GRM8: variants seen among roughly 807,000 people sequenced by gnomAD.
The protein encoded by GRM8 is metabotropic glutamate receptor 8.
GRM8 carries 47 observed loss-of-function variants against 87.2 expected under a neutral mutation model. The observed-to-expected ratio is 0.54, with a 90% confidence interval of 0.43 to 0.69. The LOEUF (loss-of-function observed/expected upper bound fraction) is 0.69. Among genes scored for constraint, GRM8 ranks in the 30% least tolerant of loss-of-function variants. The pLI is 0.00. For missense variants in GRM8, 1,019 were observed against 1,139.2 expected, an observed-to-expected ratio of 0.89 and a Z score of 1.52; for synonymous variants, 396 against 404.5, an observed-to-expected ratio of 0.98 and a Z score of 0.25.
chr7:126,449,554 A>G (rs1444073686), intron 9 of GRM8, among the ~76,000 whole-genome samples: 2 of 151,826 alleles, frequency 1.3e-5, no homozygotes, highest in Non-Finnish European at 2.9e-5. Flanking sequence ...TTGTTTAGAG[A>G]AGAGCTGATA....
At chr7:126,544,187 C>T (rs1274066888) in intron 8 of GRM8, among the ~76,000 whole-genome samples, 2 of 152,154 alleles carry the variant, frequency 1.3e-5, no homozygotes, top group Non-Finnish European at 2.9e-5. Flanking sequence ...AAGGACCACC[C>T]AACCCCTATA....
At chr7:127,202,556 G>T (rs1243956466) in intron 2 of GRM8, among the ~76,000 whole-genome samples, 2 of 151,892 alleles carry the variant, frequency 1.3e-5, no homozygotes, top group Non-Finnish European at 2.9e-5. Flanking sequence ...ATACCTACTG[G>T]GTGCCAGGCA....
intron 6 of GRM8, among the ~76,000 whole-genome samples, chr7:126,829,900 G>A (rs1795193757): frequency 6.6e-6 from 1 of 151,838 alleles, no homozygotes. Context: ...CAGGCCTGGT[G>A]GTGACAAAAT....
intron 7 of GRM8, among the ~76,000 whole-genome samples, chr7:126,719,551 G>C (rs745460998): frequency 6.6e-6 from 1 of 152,168 alleles, no homozygotes; most frequent in Non-Finnish European, 1.5e-5. Context: ...GTATGCTGTT[G>C]TAAGTCTGTG....
chr7:126,981,880 G>C (rs1811569759), intron 3 of GRM8: 1 of 152,058 alleles, frequency 6.6e-6, no homozygotes, highest in Non-Finnish European at 1.5e-5. Context: ...AAAGTGGTTG[G>C]CTCAAGGTTT....
chr7:126,652,799 T>C (rs898194797), intron 7 of GRM8, among the ~76,000 whole-genome samples: 1 of 152,192 alleles, frequency 6.6e-6, no homozygotes, highest in African/African-American at 2.4e-5. Context: ...TATGTATATA[T>C]ATCCTATTAG....
intron 9 of GRM8, among the ~76,000 whole-genome samples, chr7:126,458,104 T>C (rs1438770047): frequency 6.7e-6 from 1 of 148,966 alleles, no homozygotes; most frequent in East Asian, 2.0e-4. Flanking sequence ...TCCTGAACTA[T>C]CAAATGAAAA....
intron 3 of GRM8, among the ~76,000 whole-genome samples, chr7:127,074,816 T>G (rs916046760): frequency 6.6e-6 from 1 of 152,174 alleles, no homozygotes; most frequent in African/African-American, 2.4e-5. Flanking sequence ...AGTGCCTTCC[T>G]CCTGCCACAG....
At chr7:127,180,776 T>C (rs1794389953) in intron 2 of GRM8, among the ~76,000 whole-genome samples, 1 of 152,100 alleles carries the variant, frequency 6.6e-6, no homozygotes, top group African/African-American at 2.4e-5. Flanking sequence ...AGAAAAAGCA[T>C]TCGACAAAAT....
At chr7:126,832,984 G>A (rs566693516) in intron 6 of GRM8, among the ~76,000 whole-genome samples, 25 of 152,278 alleles carry the variant, frequency 1.6e-4, no homozygotes, top group African/African-American at 5.5e-4. Flanking sequence ...GAAGACTAAA[G>A]GGATGTTGTC....
chr7:126,816,139 T>G (rs553086924), intron 6 of GRM8, among the ~76,000 whole-genome samples: 1 of 152,162 alleles, frequency 6.6e-6, no homozygotes, highest in Non-Finnish European at 1.5e-5. Context: ...TAGTCTCAAC[T>G]CAGGGCCAAA....
intron 8 of GRM8, among the ~76,000 whole-genome samples, chr7:126,555,421 G>A (rs552139878): frequency 6.6e-6 from 1 of 152,326 alleles, no homozygotes; most frequent in South Asian, 2.1e-4. Context: ...ACCAGACAAT[G>A]CTAAGAACAG....
chr7:126,806,977 C>T (rs925095740), intron 6 of GRM8, among the ~76,000 whole-genome samples: 1 of 152,186 alleles, frequency 6.6e-6, no homozygotes, highest in African/African-American at 2.4e-5. Flanking sequence ...AAGGGCTCCT[C>T]GAGCGCGGCC....
At chr7:127,106,413 A>T in intron 3 of GRM8, 83 bp downstream of exon 3, 1 of 1,068,930 alleles carries the variant, frequency 9.4e-7, no homozygotes, top group Non-Finnish European at 1.4e-6. Flanking sequence ...ATTATTCCCT[A>T]CAGATAAGAG....
At chr7:126,769,435 C>T (rs1818584437) in intron 7 of GRM8, among the ~76,000 whole-genome samples, 1 of 152,042 alleles carries the variant, frequency 6.6e-6, no homozygotes, top group South Asian at 2.1e-4. Flanking sequence ...TATAAATATA[C>T]AGCAACTCCA....
intron 7 of GRM8, among the ~76,000 whole-genome samples, chr7:126,719,133 A>G (rs1017293758): frequency 6.6e-5 from 10 of 152,184 alleles, no homozygotes; most frequent in African/African-American, 2.2e-4. Context: ...ATCTTTTTTT[A>G]CCTAAGTGTG....
intron 9 of GRM8, among the ~76,000 whole-genome samples, chr7:126,451,053 A>T (rs774684705): frequency 4.0e-5 from 6 of 151,742 alleles, no homozygotes; most frequent in Admixed American, 1.3e-4. Flanking sequence ...TTAAAGAAAG[A>T]CTCCTGCATT....
intron 2 of GRM8, among the ~76,000 whole-genome samples, chr7:127,107,527 A>G (rs1312123872): frequency 6.6e-6 from 1 of 152,250 alleles, no homozygotes; most frequent in Non-Finnish European, 1.5e-5. Context: ...GGTATGAGTG[A>G]AAGTTCAGAG....
intron 6 of GRM8, among the ~76,000 whole-genome samples, chr7:126,775,674 G>C (rs533175000): frequency 3.9e-5 from 6 of 152,054 alleles, no homozygotes; most frequent in African/African-American, 1.4e-4. Flanking sequence ...CCTGAGATGA[G>C]ACAGAAAGGC....
Sources: gnomAD v4.1 joint callset for allele counts (sites outside exome capture counted in the v4.1 genomes callset) on GRCh38, gnomAD v4.1.1 for gene constraint, MANE v1.5 for transcripts, NCBI Gene and HGNC (gene_info 2026-07-23, HGNC 2026-07-21) for gene names.